PCDHGB4: variants seen among roughly 807,000 people sequenced by gnomAD.
PCDHGB4 encodes protocadherin gamma subfamily B, 4, also known as protocadherin gamma-B4.
Under a neutral mutation model 60.5 loss-of-function variants are expected in PCDHGB4, and 38 were observed. The observed-to-expected ratio is 0.63, with a 90% CI of 0.48 to 0.82. The LOEUF (loss-of-function observed/expected upper bound fraction) is 0.82, where lower values mean the gene tolerates loss of function less well. Ranked by LOEUF, PCDHGB4 falls within the 40% of genes least tolerant of loss-of-function variation. The probability of loss-of-function intolerance (pLI) is 0.00; values close to 1 mark genes in which losing one functional copy is unlikely to be tolerated. For missense variants in PCDHGB4, 1,109 were observed against 1,209.6 expected, an observed-to-expected ratio of 0.92 and a Z score of 1.23; for synonymous variants, 456 against 509.7, an observed-to-expected ratio of 0.89 and a Z score of 1.42.
rs1278035747 is a variant in PCDHGB4 at position 141,389,997 on chromosome 5, A to G, written c.2113A>G (p.Met705Val). ...ALISVLFLVA[M>V]ILAIALRLRR... ...GATCTCAGTGCTCTTCCTCGTGGCC[A>G]TGATTCTGGCCATTGCCTTGCGCCT... The change falls in exon 1 of 4, where the codon ATG (methionine) becomes GTG (valine). Residue 705 changes from methionine to valine, a missense_variant. Transcript: ENST00000519479. 3.1e-6 allele frequency: 5 copies of G among 1,613,844 alleles called. No individual in the cohort carries two copies. Among genetic ancestry groups the G allele is most frequent in the South Asian group, 2.2e-5 (2 of 91,080 alleles).
At chr5:141,397,467 G>A (rs1052329651) in intron 1 of PCDHGB4, among the ~76,000 whole-genome samples, 1 of 152,176 alleles carries the variant, frequency 6.6e-6, no homozygotes, top group East Asian at 1.9e-4. Flanking sequence ...ATATTGGGGA[G>A]TTGGAAATCA....
chr5:141,427,694 A>T (rs758628764), intron 1 of PCDHGB4: 2 of 913,932 alleles, frequency 2.2e-6, no homozygotes, highest in Non-Finnish European at 3.5e-6. Context: ...CCTCCATCCC[A>T]CAAGTCAGCG....
Position 141,485,447 on chromosome 5 carries a change from C to G in PCDHGB4, c.2398-9360C>G, listed in dbSNP as rs1233800346. 6.2e-7 allele frequency: 1 copy of G among 1,614,144 alleles called. No individual in the cohort carries two copies. The highest frequency in any genetic ancestry group is 8.5e-7 in the Non-Finnish European group (1 of 1,180,036). On this transcript the variant is annotated intron_variant, in intron 1 of 3. Transcript: ENST00000519479. This position sits in a 1 kb window ranked among gnomAD's most constrained non-coding sequence, Gnocchi z 5.7. ...CCTGCTCATCAAGAACCCAATCGAC[C>G]GAGAGGCACTGTGTGGGCTCAGTGC... is the stretch of plus-strand genomic sequence containing the variant.
chr5:141,419,121 C>T, intron 1 of PCDHGB4: 5 of 1,613,882 alleles, frequency 3.1e-6, no homozygotes, highest in Non-Finnish European at 3.4e-6. Flanking sequence ...TACAACGTCA[C>T]CATCGCAGCC....
chr5:141,510,978 G>A lies in PCDHGB4; in HGVS notation c.2577G>A (p.Gly859=), dbSNP rs2099883535. 1.2e-6 allele frequency: 2 copies of A among 1,614,160 alleles called. No homozygotes were observed. The change falls in exon 4 of 4, where the codon GGG becomes GGA. Residue 859 remains glycine, a synonymous_variant. Transcript: ENST00000519479. The part of the protein sequence containing the change: ...EAADGSSTLG[G]GAGTMGLSAR... Reference sequence around the variant, plus strand: ...CTGATGGGAGCTCCACCCTGGGAGGGGGTGCCGGCACCATGGGATTGAGCG... The same window carrying A: ...CTGATGGGAGCTCCACCCTGGGAGGAGGTGCCGGCACCATGGGATTGAGCG...
intron 1 of PCDHGB4, chr5:141,408,296 C>T (rs2154539952): frequency 1.2e-6 from 2 of 1,613,550 alleles, no homozygotes; most frequent in Non-Finnish European, 1.7e-6. Flanking sequence ...CCTGAGTGAG[C>T]CGATCCGCTA....
intron 2 of PCDHGB4, 103 bp from the exon 3 acceptor site, chr5:141,505,290 G>A: frequency 3.2e-6 from 5 of 1,564,680 alleles, no homozygotes; most frequent in Non-Finnish European, 4.3e-6. Context: ...TTGGGCATGG[G>A]GTAGGGTTAG....
intron 1 of PCDHGB4, chr5:141,398,812 C>T (rs1255452758): frequency 1.9e-6 from 3 of 1,613,824 alleles, no homozygotes; most frequent in Admixed American, 3.3e-5. Context: ...CACTGAGCTC[C>T]GGATCCAGGT....
intron 1 of PCDHGB4, chr5:141,393,162 T>C (rs771570808): frequency 3.1e-6 from 5 of 1,613,142 alleles, no homozygotes; most frequent in Admixed American, 1.7e-5. Context: ...AGGAAAACTC[T>C]TTGGGGTAGA....
At chr5:141,414,230 C>T in intron 1 of PCDHGB4, 5 of 1,613,308 alleles carry the variant, frequency 3.1e-6, no homozygotes, top group Non-Finnish European at 4.2e-6. Flanking sequence ...CCAGAGCTGA[C>T]CATCACGTCT....
chr5:141,398,826 C>G (rs755219133), intron 1 of PCDHGB4: 1 of 1,613,824 alleles, frequency 6.2e-7, no homozygotes, highest in South Asian at 1.1e-5. Flanking sequence ...TCCAGGTAAC[C>G]GACGCCAATG....
Position 141,388,401 on chromosome 5 carries a change from A to C in PCDHGB4, c.517A>C (p.Ser173Arg). The part of the protein sequence containing the change: ...GSNTLQNYQL[S>R]PSDHFSLINK... ...CAACACACTGCAGAATTACCAACTC[A>C]GTCCCAGTGATCATTTCTCACTGAT... The change falls in exon 1 of 4, where the codon AGT (serine) becomes CGT (arginine). Residue 173 changes from serine to arginine, a missense_variant. Physicochemically the swap from Ser to Arg is moderately radical, Grantham distance 110 (BLOSUM62 -1). Transcript: ENST00000519479. 6.2e-7 allele frequency: 1 copy of C among 1,614,026 alleles called. No homozygotes were observed. The highest frequency in any genetic ancestry group is 2.2e-5 in the East Asian group (1 of 44,886).
chr5:141,464,578 A>G (rs2099086989), intron 1 of PCDHGB4, among the ~76,000 whole-genome samples: 1 of 152,164 alleles, frequency 6.6e-6, no homozygotes, highest in Non-Finnish European at 1.5e-5. Flanking sequence ...ATAGATGAGA[A>G]TGTCCATTGT....
intron 1 of PCDHGB4, among the ~76,000 whole-genome samples, chr5:141,471,778 A>T (rs2099264151): frequency 6.6e-6 from 1 of 152,244 alleles, no homozygotes; most frequent in Non-Finnish European, 1.5e-5. Flanking sequence ...TGAGTTTGAC[A>T]TTATGCTATG....
intron 1 of PCDHGB4, chr5:141,468,330 C>CAAAAAAAAA (rs533390277): frequency 1.3e-5 from 1 of 79,886 alleles, no homozygotes; most frequent in African/African-American, 3.9e-5. Context: ...AACTCCATCT[C>CAAAAAAAAA]AAAAAAAAAA....
chr5:141,401,765 G>C (rs2094191872), intron 1 of PCDHGB4, among the ~76,000 whole-genome samples: 1 of 152,138 alleles, frequency 6.6e-6, no homozygotes. Context: ...CATGGTATAA[G>C]TCTTTTGCTT....
intron 3 of PCDHGB4, chr5:141,508,179 AG>A (rs1250335236): frequency 1.3e-5 from 2 of 152,326 alleles, no homozygotes; most frequent in Non-Finnish European, 2.9e-5. Flanking sequence ...ACAGGAGAGA[AG>A]GCATCACCCC....
chr5:141,388,676 G>C lies in PCDHGB4; in HGVS notation c.792G>C (p.Val264=). Residue 264 remains valine, a synonymous_variant, in exon 1 of 4, where the codon GTG becomes GTC. Coordinates refer to ENST00000519479, the MANE Select transcript of PCDHGB4 (RefSeq NM_003736.4). ...NVYPGTTVLQ[V]TATDQDEGVN... ...ACCCGGGGACCACGGTGCTACAGGT[G>C]ACTGCCACGGACCAGGATGAGGGTG... The C allele has an allele frequency of 6.2e-7, 1 of 1,613,946 alleles. No homozygotes were observed. The highest frequency in any genetic ancestry group is 8.5e-7 in the Non-Finnish European group (1 of 1,179,872).
chr5:141,419,325 ACT>A (rs1329600066), intron 1 of PCDHGB4: 33 of 1,613,586 alleles, frequency 2.0e-5, no homozygotes, highest in Non-Finnish European at 2.6e-5. Flanking sequence ...CGTGTCTCCT[ACT>A]CTCTCATTGC....
Sources: allele counts gnomAD v4.1 joint callset (sites outside exome capture counted in the v4.1 genomes callset), GRCh38; gene constraint gnomAD v4.1.1; non-coding constraint Gnocchi (gnomAD v3.1); transcripts MANE v1.5; gene names NCBI Gene and HGNC (gene_info 2026-07-23, HGNC 2026-07-21).